Variants in AGAP1 observed in about 807,000 individuals in gnomAD.
AGAP1 encodes the protein arf-GAP with GTPase, ANK repeat and PH domain-containing protein 1.
A neutral mutation model predicts 105.3 loss-of-function variants in AGAP1; 29 were observed. That is an observed-to-expected ratio of 0.28 (90% confidence interval 0.21 to 0.38). The LOEUF (loss-of-function observed/expected upper bound fraction) is 0.38, where lower values mean the gene tolerates loss of function less well. Ranked by LOEUF, AGAP1 falls within the 10% of genes least tolerant of loss-of-function variation. The pLI is 1.00. For missense variants in AGAP1, 998 were observed against 1,165.1 expected (o/e 0.86, Z 2.09); for synonymous variants, 509 against 485.9 (o/e 1.05, Z -0.63).
intron 1 of AGAP1, among the ~76,000 whole-genome samples, chr2:235,538,458 T>TGTGTGTGTGTGTGTGC (rs1559233079): frequency 2.0e-5 from 3 of 150,408 alleles, no homozygotes; most frequent in Non-Finnish European, 4.4e-5. Context: ...TGTGTGTGTG[T>TGTGTGTGTGTGTGTGC]GTGCATGCTT....
intron 13 of AGAP1, among the ~76,000 whole-genome samples, chr2:235,984,759 A>ATG (rs2055239530): frequency 6.6e-6 from 1 of 152,118 alleles, no homozygotes; most frequent in African/African-American, 2.4e-5. Flanking sequence ...AGCTTCATCC[A>ATG]TGTCCTTGCA....
rs1952300365 is a variant in AGAP1 at position 235,737,116 on chromosome 2, C to T, written c.311-3847C>T. 6.6e-6 allele frequency among the ~76,000 whole-genome samples: 1 copy of T among 152,182 alleles called. No individual in the cohort carries two copies. On this transcript the variant is annotated intron_variant, in intron 3 of 17. Transcript: ENST00000304032. This position sits in a 1 kb window ranked among gnomAD's most constrained non-coding sequence, Gnocchi z 4.5. ...CTGAACCTGCTCCCATCAGTAGTGC[C>T]CTGCGGGACCTTTTGAAAATCTCCC... is the stretch of plus-strand genomic sequence containing the variant.
At position 235,789,568 on chromosome 2, in the gene AGAP1, T is replaced by A. The variant is rs12474276; in HGVS notation, c.674-8191T>A. 0.26 allele frequency among the ~76,000 whole-genome samples: 39,945 copies of A among 152,110 alleles called. 5,574 individuals are homozygous for A. The highest frequency in any genetic ancestry group is 0.4 in the Admixed American group (6,068 of 15,276). Reference sequence around the variant, plus strand: ...CTTAAAAGCTTCACTAGAAGAAATTTAAGCAAGCTTGGCTTTTTAACCACA... The same window carrying A: ...CTTAAAAGCTTCACTAGAAGAAATTAAAGCAAGCTTGGCTTTTTAACCACA... On this transcript the variant is annotated intron_variant, in intron 6 of 17. Coordinates refer to ENST00000304032, the MANE Select transcript of AGAP1 (RefSeq NM_001037131.3). The surrounding 1 kb of genome is among the most constrained non-coding windows in gnomAD (Gnocchi z 4.2).
chr2:235,686,558 C>T (rs201309802), intron 1 of AGAP1, among the ~76,000 whole-genome samples: 54 of 34,832 alleles, frequency 1.6e-3, no homozygotes, highest in South Asian at 0.012. Flanking sequence ...TATATATATA[C>T]ACACACACAC....
Position 236,004,512 on chromosome 2 carries a change from G to A in AGAP1, c.1646-32049G>A, listed in dbSNP as rs188858192. ...ATAATAATTTCAAGCAGTGTTCTGC[G>A]TCTGTGTGGAAACAGCTGGTCTACC... On this transcript the variant is annotated intron_variant, in intron 13 of 17. Coordinates refer to ENST00000304032, the MANE Select transcript of AGAP1 (RefSeq NM_001037131.3). 3.5e-4 allele frequency among the ~76,000 whole-genome samples: 53 copies of A among 152,278 alleles called. No individual in the cohort carries two copies. The East Asian group carries it at 6.9e-3, about 20-fold the overall frequency.
chr2:235,498,023 T>C (rs1263247989), intron 1 of AGAP1, among the ~76,000 whole-genome samples: 9 of 150,054 alleles, frequency 6.0e-5, no homozygotes, highest in Non-Finnish European at 1.3e-4. Context: ...ATTTTTGCTG[T>C]TGGAGTGAGG....
At chr2:236,115,848 A>T (rs528355731) in intron 16 of AGAP1, among the ~76,000 whole-genome samples, 2 of 152,266 alleles carry the variant, frequency 1.3e-5, no homozygotes, top group Admixed American at 1.3e-4. Flanking sequence ...TCTGTCACCC[A>T]GGCTGGAGTG....
Position 235,535,231 on chromosome 2 carries a change from A to G in AGAP1, c.163+40382A>G, listed in dbSNP as rs1943172042. 6.6e-6 allele frequency among the ~76,000 whole-genome samples: 1 copy of G among 152,110 alleles called. No homozygotes were observed. Among genetic ancestry groups the G allele is most frequent in the Non-Finnish European group, 1.5e-5 (1 of 68,012 alleles). On this transcript the variant is annotated intron_variant, in intron 1 of 17. Transcript: ENST00000304032. The surrounding 1 kb of genome is among the most constrained non-coding windows in gnomAD (Gnocchi z 5.1). ...GCAGGAGCGGAAGACCCGATGGAGC[A>G]GGTTTCACAGTGCCCTCGCTGCTGC... is the stretch of plus-strand genomic sequence containing the variant.
chr2:235,998,868 TTGGTGGTGGTGG>T (rs760942733), intron 13 of AGAP1, among the ~76,000 whole-genome samples: 1 of 144,474 alleles, frequency 6.9e-6, no homozygotes, highest in Non-Finnish European at 1.5e-5. Context: ...ATGGTGAGAG[TTGGTGGTGGTGG>T]TGGTGGTGGT....
intron 5 of AGAP1, among the ~76,000 whole-genome samples, chr2:235,749,226 AAAAGCT>A (rs1374354706): frequency 2.8e-5 from 4 of 143,630 alleles, no homozygotes; most frequent in African/African-American, 1.0e-4. Flanking sequence ...AAAAGAAAAA[AAAAGCT>A]GTCTGTGAAA....
At chr2:235,819,893 CTTCT>C (rs1389345891) in intron 9 of AGAP1, among the ~76,000 whole-genome samples, 4 of 134,304 alleles carry the variant, frequency 3.0e-5, no homozygotes, top group Non-Finnish European at 3.2e-5. Context: ...TTTTTTTTTT[CTTCT>C]TTCTTTCTTT....
At position 235,797,959 on chromosome 2, in the gene AGAP1, C is replaced by T. The variant is rs1957319154; in HGVS notation, c.801+73C>T. 1.2e-5 allele frequency: 18 copies of T among 1,523,948 alleles called. No individual in the cohort carries two copies. The South Asian group carries it at 2.1e-4, about 18-fold the overall frequency. 94.4% of individuals were successfully genotyped at this position (1,523,948 alleles called of 1,614,324 possible). The stretch of plus-strand genomic sequence containing the variant: ...ATGCAAATAGTGTTCCCAGCCAATG[C>T]TAAGGTTGATTTTTTTTTTCTTTTC... On this transcript the variant is annotated intron_variant, in intron 7 of 17. Coordinates refer to ENST00000304032, the MANE Select transcript of AGAP1 (RefSeq NM_001037131.3).
intron 1 of AGAP1, among the ~76,000 whole-genome samples, chr2:235,647,949 ATTTGAAC>A (rs1947447536): frequency 6.6e-6 from 1 of 151,980 alleles, no homozygotes; most frequent in Non-Finnish European, 1.5e-5. Flanking sequence ...TTTCAGAGAA[ATTTGAAC>A]CAATCAGAAA....
chr2:235,826,816 G>T (rs1575565711), intron 9 of AGAP1, among the ~76,000 whole-genome samples: 1 of 152,154 alleles, frequency 6.6e-6, no homozygotes, highest in Non-Finnish European at 1.5e-5. Context: ...TTCCTGTGGA[G>T]GTGGCTGGCT....
In AGAP1 at chr2:235,747,884, G is replaced by C. The variant is rs1559430126; in HGVS notation, c.539-2470G>C. On this transcript the variant is annotated intron_variant, in intron 5 of 17. Transcript: ENST00000304032. This position sits in a 1 kb window ranked among gnomAD's most constrained non-coding sequence, Gnocchi z 5.0. ...GCATATGGGATGGGAAAGAACGGAA[G>C]AGGAATTAGGTTCATTGCCAAAGGA... 6.6e-6 allele frequency among the ~76,000 whole-genome samples: 1 copy of C among 152,222 alleles called. No homozygotes were observed. Among genetic ancestry groups the C allele is most frequent in the Non-Finnish European group, 1.5e-5 (1 of 68,040 alleles).
Position 235,727,949 on chromosome 2 carries a change from C to T in AGAP1, c.310+10305C>T, listed in dbSNP as rs769381908. Among the ~76,000 whole-genome samples, 99 of 152,184 alleles carry T rather than the reference C, an allele frequency of 6.5e-4. 1 individual carries two copies. Among genetic ancestry groups the T allele is most frequent in the South Asian group, 1.0e-3 (5 of 4,806 alleles). On this transcript the variant is annotated intron_variant, in intron 3 of 17. Coordinates refer to ENST00000304032, the MANE Select transcript of AGAP1 (RefSeq NM_001037131.3). Reference sequence around the variant, plus strand: ...GAGAGATTGACACTTCAGAGAAGGCCGGGAATGAAATTGAATGTGCAGAGC... The same window carrying T: ...GAGAGATTGACACTTCAGAGAAGGCTGGGAATGAAATTGAATGTGCAGAGC...
rs1942447348 is a variant in AGAP1, at chr2:235,517,729, G to T, written c.163+22880G>T. Reference sequence around the variant, plus strand: ...AGGCAGACAGATCACTTGAGGTCAGGAGTTCGAGACCAGCCTGGCCAACAT... The same window carrying T: ...AGGCAGACAGATCACTTGAGGTCAGTAGTTCGAGACCAGCCTGGCCAACAT... On this transcript the variant is annotated intron_variant, in intron 1 of 17. Coordinates refer to ENST00000304032, the MANE Select transcript of AGAP1 (RefSeq NM_001037131.3). This position sits in a 1 kb window ranked among gnomAD's most constrained non-coding sequence, Gnocchi z 4.1. Among the ~76,000 whole-genome samples the T allele has an allele frequency of 1.3e-5, 2 of 152,126 alleles. No individual in the cohort carries two copies. The highest frequency in any genetic ancestry group is 4.8e-5 in the African/African-American group (2 of 41,442).
chr2:235,885,762 C>T (rs1409769566), intron 10 of AGAP1, among the ~76,000 whole-genome samples: 4 of 152,218 alleles, frequency 2.6e-5, no homozygotes, highest in African/African-American at 9.6e-5. Context: ...CAAAGCAGGT[C>T]TTCCGTCGGC....
At chr2:235,681,846 T>C (rs1258003530) in intron 1 of AGAP1, among the ~76,000 whole-genome samples, 6 of 60,346 alleles carry the variant, frequency 9.9e-5, no homozygotes, top group African/African-American at 8.2e-4. Context: ...TAGTTTGCTT[T>C]TTTTTTTTTT....
Sources: gnomAD v4.1 joint callset for allele counts (sites outside exome capture counted in the v4.1 genomes callset) on GRCh38, gnomAD v4.1.1 for gene constraint, Gnocchi (gnomAD v3.1) non-coding constraint, MANE v1.5 for transcripts, NCBI Gene and HGNC (gene_info 2026-07-23, HGNC 2026-07-21) for gene names.